Variants in INPP4B observed in about 807,000 individuals in gnomAD.
The protein encoded by INPP4B is inositol polyphosphate-4-phosphatase type II B.
A neutral mutation model predicts 122.5 loss-of-function variants in INPP4B; 55 were observed. That is an observed-to-expected ratio of 0.45 (90% CI 0.36 to 0.56). INPP4B has a LOEUF of 0.56. Ranked by LOEUF, INPP4B falls within the 20% of genes least tolerant of loss-of-function variation. INPP4B has a pLI of 0.00. For missense variants in INPP4B, 1,000 were observed against 1,097.7 expected, an observed-to-expected ratio of 0.91 and a Z score of 1.26; for synonymous variants, 403 against 388.7, an observed-to-expected ratio of 1.04 and a Z score of -0.43.
rs568716633 is a variant in INPP4B, at chr4:142,564,859, A to C, written c.-190-102133T>G. ...CATATTATTTTCAGGTCAGTATTTA[A>C]GACTGATTTTTCTTAAATCAGTCTC... On this transcript the variant is annotated intron_variant, in intron 2 of 25. Transcript: ENST00000262992. Among the ~76,000 whole-genome samples, 354 of 152,256 alleles carry C rather than the reference A, an allele frequency of 2.3e-3. 1 individual carries two copies. The highest frequency in any genetic ancestry group is 5.0e-3 in the South Asian group (24 of 4,822).
intron 25 of INPP4B, among the ~76,000 whole-genome samples, chr4:142,066,138 A>G (rs1763391800): frequency 6.6e-6 from 1 of 152,222 alleles, no homozygotes; most frequent in South Asian, 2.1e-4. Context: ...ATGATTTAGA[A>G]TTAATTTCTA....
At chr4:142,259,608 TA>T (rs1554020167) in intron 11 of INPP4B, among the ~76,000 whole-genome samples, 1 of 134,238 alleles carries the variant, frequency 7.4e-6, no homozygotes, top group Non-Finnish European at 1.7e-5. Context: ...ATAATAATAA[TA>T]AATTAACCTA....
intron 8 of INPP4B, among the ~76,000 whole-genome samples, chr4:142,308,763 A>G (rs1764369249): frequency 6.6e-6 from 1 of 151,970 alleles, no homozygotes; most frequent in Non-Finnish European, 1.5e-5. Context: ...TTCAAGGGAC[A>G]GTGTTTTCTG....
intron 2 of INPP4B, among the ~76,000 whole-genome samples, chr4:142,502,744 G>T (rs1389463735): frequency 6.6e-6 from 1 of 152,050 alleles, no homozygotes; most frequent in African/African-American, 2.4e-5. Flanking sequence ...TTCTCCCAAA[G>T]TGCTGGGATT....
intron 2 of INPP4B, among the ~76,000 whole-genome samples, chr4:142,610,579 A>C (rs1742262589): frequency 6.6e-6 from 1 of 152,196 alleles, no homozygotes; most frequent in Non-Finnish European, 1.5e-5. Flanking sequence ...AAATTAAAAA[A>C]ATTTAGACAG....
At chr4:142,383,971 G>A (rs1439283107) in intron 7 of INPP4B, 1 of 644,950 alleles carries the variant, frequency 1.6e-6, no homozygotes, top group Non-Finnish European at 2.8e-6. Context: ...CCATCGTGCA[G>A]CTGTCAAGAA....
intron 2 of INPP4B, among the ~76,000 whole-genome samples, chr4:142,523,537 T>C (rs1249828429): frequency 3.9e-5 from 6 of 152,112 alleles, no homozygotes; most frequent in Non-Finnish European, 8.8e-5. Context: ...ATCCACCTAC[T>C]TGGCAAAGCA....
chr4:142,176,807 C>T (rs1385060212), intron 15 of INPP4B, among the ~76,000 whole-genome samples: 1 of 152,140 alleles, frequency 6.6e-6, no homozygotes, highest in East Asian at 1.9e-4. Flanking sequence ...GACACCCTGT[C>T]ATTGTTTTGA....
intron 12 of INPP4B, among the ~76,000 whole-genome samples, chr4:142,214,879 G>A (rs1846425733): frequency 6.6e-6 from 1 of 152,092 alleles, no homozygotes; most frequent in Non-Finnish European, 1.5e-5. Context: ...TATTTGTATA[G>A]ATGAAAAAAG....
intron 25 of INPP4B, among the ~76,000 whole-genome samples, chr4:142,056,222 T>C (rs1446975264): frequency 6.6e-6 from 1 of 152,086 alleles, no homozygotes; most frequent in East Asian, 1.9e-4. Flanking sequence ...ACAGACCTGA[T>C]ACCAGGGGGT....
At chr4:142,519,827 T>TG (rs1187495260) in intron 2 of INPP4B, among the ~76,000 whole-genome samples, 1 of 152,112 alleles carries the variant, frequency 6.6e-6, no homozygotes, top group African/African-American at 2.4e-5. Flanking sequence ...CATTTACTCT[T>TG]TATATCACTA....
intron 16 of INPP4B, among the ~76,000 whole-genome samples, chr4:142,173,050 G>T (rs569188598): frequency 6.6e-6 from 1 of 151,978 alleles, no homozygotes; most frequent in East Asian, 1.9e-4. Flanking sequence ...TCTCCTTTCT[G>T]CAGATAAAGG....
At chr4:142,189,320 T>A (rs1834681031) in intron 15 of INPP4B, among the ~76,000 whole-genome samples, 1 of 152,246 alleles carries the variant, frequency 6.6e-6, no homozygotes, top group African/African-American at 2.4e-5. Context: ...TTCTAGTTTT[T>A]AGCACTTTTA....
intron 23 of INPP4B, among the ~76,000 whole-genome samples, chr4:142,089,284 C>A (rs945796123): frequency 6.6e-6 from 1 of 152,090 alleles, no homozygotes; most frequent in African/African-American, 2.4e-5. Flanking sequence ...GGCTTTCAAA[C>A]AGTTTTGAAA....
chr4:142,229,832 A>G (rs1191764693), intron 12 of INPP4B, among the ~76,000 whole-genome samples: 2 of 152,186 alleles, frequency 1.3e-5, no homozygotes, highest in Non-Finnish European at 2.9e-5. Context: ...ATTTACCTGT[A>G]TATTTTTGGG....
intron 1 of INPP4B, among the ~76,000 whole-genome samples, chr4:142,832,189 T>G (rs1228722922): frequency 6.6e-6 from 1 of 152,178 alleles, no homozygotes; most frequent in Non-Finnish European, 1.5e-5. Flanking sequence ...AGTAAAATTT[T>G]TAAGTGTGCC....
intron 3 of INPP4B, among the ~76,000 whole-genome samples, chr4:142,433,351 A>C (rs1417977704): frequency 6.6e-6 from 1 of 152,168 alleles, no homozygotes; most frequent in Admixed American, 6.5e-5. Context: ...GCTTTTAAGC[A>C]TATTTCTACT....
chr4:142,724,784 T>A (rs1251909225), intron 2 of INPP4B, among the ~76,000 whole-genome samples: 1 of 152,258 alleles, frequency 6.6e-6, no homozygotes, highest in East Asian at 1.9e-4. Flanking sequence ...ATTTAACAAT[T>A]TATTTTTGCT....
intron 2 of INPP4B, among the ~76,000 whole-genome samples, chr4:142,719,876 A>T (rs955087942): frequency 1.3e-5 from 2 of 152,190 alleles, no homozygotes; most frequent in African/African-American, 2.4e-5. Flanking sequence ...AGAATTTACT[A>T]AGTAAAAAGG....
Sources: gnomAD v4.1 joint callset for allele counts (sites outside exome capture counted in the v4.1 genomes callset) on GRCh38, gnomAD v4.1.1 for gene constraint, MANE v1.5 for transcripts, NCBI Gene and HGNC (gene_info 2026-07-23, HGNC 2026-07-21) for gene names.